The following C2orf66 variants were observed in gnomAD, a reference collection of about 807,000 sequenced individuals.
C2orf66 encodes the protein uncharacterized protein C2orf66.
C2orf66 carries 6 observed loss-of-function variants against 7.0 expected under a neutral mutation model. That is an observed-to-expected ratio of 0.86 (90% CI 0.47 to 1.69). The LOEUF (loss-of-function observed/expected upper bound fraction) is 1.69, where lower values mean the gene tolerates loss of function less well. Among genes scored for constraint, C2orf66 ranks in the 40% most tolerant of loss-of-function variants. The pLI is 0.01. For missense variants in C2orf66, 107 were observed against 112.0 expected (o/e 0.96, Z 0.20); for synonymous variants, 38 against 43.8 (o/e 0.87, Z 0.52).
At chr2:196,822,742 C>T in the C2orf66 span, among the ~76,000 whole-genome samples, 1 of 152,274 alleles carries the variant, frequency 6.6e-6, no homozygotes, top group Admixed American at 6.5e-5. Context: ...CCATTAGCGG[C>T]ATGCTCATTC....
chr2:196,826,421 CAA>C, the C2orf66 span, among the ~76,000 whole-genome samples: 2 of 152,046 alleles, frequency 1.3e-5, no homozygotes, highest in Non-Finnish European at 2.9e-5. Flanking sequence ...AGTTTGCAAT[CAA>C]AAAAGTCTGA....
chr2:196,811,775 A>T (rs1676673456), upstream of C2orf66, among the ~76,000 whole-genome samples: 1 of 152,186 alleles, frequency 6.6e-6, no homozygotes, highest in Non-Finnish European at 1.5e-5. Context: ...GAAGTGAATG[A>T]GATTACCTCA....
At chr2:196,805,885 C>T (rs1490392937) in intron 2 of C2orf66, among the ~76,000 whole-genome samples, 1 of 152,198 alleles carries the variant, frequency 6.6e-6, no homozygotes, top group Non-Finnish European at 1.5e-5. Context: ...ACTTCATTAA[C>T]ATCTTACTGT....
At chr2:196,822,159 C>T in the C2orf66 span, among the ~76,000 whole-genome samples, 2 of 151,510 alleles carry the variant, frequency 1.3e-5, no homozygotes, top group African/African-American at 2.4e-5. Flanking sequence ...AAAATCTGCC[C>T]GCCTTGGCCT....
chr2:196,825,021 G>T, the C2orf66 span, among the ~76,000 whole-genome samples: 3 of 152,066 alleles, frequency 2.0e-5, no homozygotes, highest in Non-Finnish European at 4.4e-5. Flanking sequence ...ATCACCTGAG[G>T]TCAGGAGTTC....
chr2:196,822,370 T>C, the C2orf66 span, among the ~76,000 whole-genome samples: 3 of 152,186 alleles, frequency 2.0e-5, no homozygotes, highest in East Asian at 5.8e-4. Context: ...ATTGAATAAA[T>C]AAGCAAACGT....
chr2:196,829,574 G>T, the C2orf66 span, among the ~76,000 whole-genome samples: 1 of 151,398 alleles, frequency 6.6e-6, no homozygotes, highest in Non-Finnish European at 1.5e-5. Flanking sequence ...GGGCGAAAGA[G>T]CCAGACTCTG....
chr2:196,819,719 T>C, the C2orf66 span, among the ~76,000 whole-genome samples: 3 of 152,344 alleles, frequency 2.0e-5, no homozygotes, highest in South Asian at 6.2e-4. Flanking sequence ...CCTGGCACAG[T>C]GTAGTTATAT....
chr2:196,822,345 A>G, the C2orf66 span, among the ~76,000 whole-genome samples: 3 of 152,208 alleles, frequency 2.0e-5, no homozygotes, highest in Admixed American at 6.5e-5. Context: ...ATGTTATCCA[A>G]TTATTTTAAA....
chr2:196,815,059 G>C, the C2orf66 span, among the ~76,000 whole-genome samples: 2 of 152,184 alleles, frequency 1.3e-5, no homozygotes, highest in South Asian at 4.2e-4. Context: ...CCACCTCCTA[G>C]GCTCAAGTGA....
the C2orf66 span, among the ~76,000 whole-genome samples, chr2:196,818,252 C>A: frequency 1.3e-5 from 2 of 152,162 alleles, no homozygotes; most frequent in Admixed American, 6.5e-5. Context: ...GGCCATGCTT[C>A]CTCCAGAGTG....
At chr2:196,824,646 C>T in the C2orf66 span, among the ~76,000 whole-genome samples, 6 of 152,142 alleles carry the variant, frequency 3.9e-5, no homozygotes, top group African/African-American at 1.4e-4. Flanking sequence ...TACTCATTCT[C>T]CATACCCTTT....
the C2orf66 span, among the ~76,000 whole-genome samples, chr2:196,827,273 C>CA: frequency 1.5e-4 from 21 of 142,940 alleles, no homozygotes; most frequent in East Asian, 3.5e-3. Flanking sequence ...CAAATCAGAA[C>CA]AAAAAAACCC....
the C2orf66 span, among the ~76,000 whole-genome samples, chr2:196,829,767 G>C: frequency 2.5e-4 from 38 of 151,774 alleles, no homozygotes; most frequent in African/African-American, 8.0e-4. Context: ...CGTGGTGGCG[G>C]GCGCCTGTAG....
At chr2:196,827,099 T>C in the C2orf66 span, among the ~76,000 whole-genome samples, 1 of 151,372 alleles carries the variant, frequency 6.6e-6, no homozygotes, top group African/African-American at 2.4e-5. Context: ...GAGGACCCTT[T>C]CTCTACAAAA....
chr2:196,825,956 ATAT>A, the C2orf66 span, among the ~76,000 whole-genome samples: 15 of 152,196 alleles, frequency 9.9e-5, no homozygotes, highest in Non-Finnish European at 2.2e-4. Flanking sequence ...TTCATGTATT[ATAT>A]TATTAAATAT....
At chr2:196,818,511 A>C in the C2orf66 span, among the ~76,000 whole-genome samples, 1 of 152,180 alleles carries the variant, frequency 6.6e-6, no homozygotes, top group Non-Finnish European at 1.5e-5. Flanking sequence ...AGTAAGAGAG[A>C]GCCAGCCAAT....
chr2:196,830,635 C>A, the C2orf66 span, among the ~76,000 whole-genome samples: 4 of 152,268 alleles, frequency 2.6e-5, no homozygotes, highest in East Asian at 7.7e-4. Context: ...TGGGAACTTG[C>A]GTAAGCGTGA....
the C2orf66 span, among the ~76,000 whole-genome samples, chr2:196,829,801 G>T: frequency 2.9e-4 from 44 of 152,048 alleles, no homozygotes; most frequent in African/African-American, 1.0e-3. Context: ...GGAGGCTGAG[G>T]CAGGAGAATG....
Sources: gnomAD v4.1 joint callset for allele counts (sites outside exome capture counted in the v4.1 genomes callset) on GRCh38, gnomAD v4.1.1 for gene constraint, MANE v1.5 for transcripts, NCBI Gene and HGNC (gene_info 2026-07-23, HGNC 2026-07-21) for gene names.